C1orf94: variants seen among roughly 807,000 people sequenced by gnomAD.
The protein encoded by C1orf94 is chromosome 1 open reading frame 94.
C1orf94 carries 45 observed loss-of-function variants against 53.6 expected under a neutral mutation model. The ratio of observed to expected loss-of-function variants is 0.84; its 90% confidence interval spans 0.66 to 1.08. The LOEUF (loss-of-function observed/expected upper bound fraction) is 1.08. Among genes scored for constraint, C1orf94 ranks in the 50% least tolerant of loss-of-function variants. C1orf94 has a pLI of 0.00. For missense variants in C1orf94, 762 were observed against 738.9 expected, an observed-to-expected ratio of 1.03 and a Z score of -0.36; for synonymous variants, 304 against 296.1, an observed-to-expected ratio of 1.03 and a Z score of -0.27.
upstream of C1orf94, among the ~76,000 whole-genome samples, chr1:34,176,542 G>A (rs2148609983): frequency 6.6e-6 from 1 of 152,236 alleles, no homozygotes; most frequent in Non-Finnish European, 1.5e-5. Context: ...TAGAGTGCTG[G>A]GGTCTGAGTC....
rs140503394 is a variant in C1orf94 at position 34,197,873 on chromosome 1, G to T, written c.969G>T (p.Lys323Asn). ...CAGTGTTTGCCAAGATCTGTTCCAA[G>T]CCCAAGGCTGACCCTGCTGTGGAGA... The part of the protein sequence containing the change: ...QLPVFAKICS[K>N]PKADPAVERH... The change falls in exon 2 of 7, where the codon AAG becomes AAT. Residue 323 changes from lysine (K) to asparagine (N), a missense_variant. Coordinates refer to ENST00000488417, the MANE Select transcript of C1orf94 (RefSeq NM_001134734.2). The surrounding 1 kb of genome is among the most constrained non-coding windows in gnomAD (Gnocchi z 4.1). 14 of 1,614,076 alleles carry T rather than the reference G, an allele frequency of 8.7e-6. No homozygotes were observed. The African/African-American group carries it at 1.1e-4, about 12-fold the overall frequency.
chr1:34,202,106 T>C lies in C1orf94; in HGVS notation c.1293T>C (p.Ala431=). Reference sequence around the variant, plus strand: ...CAGTTAACGCACCTGTGACGGTTGCTGACAAGAACAACCCGAAGTACACAG... The same window carrying C: ...CAGTTAACGCACCTGTGACGGTTGCCGACAAGAACAACCCGAAGTACACAG... ...ELKFNAPVTV[A]DKNNPKYTGN... is the part of the protein sequence containing the mutation. Residue 431 remains alanine (A), a synonymous_variant, in exon 4 of 7, where the codon GCT becomes GCC. Transcript: ENST00000488417. 1 of 1,614,102 alleles carries C rather than the reference T, an allele frequency of 6.2e-7. No individual in the cohort carries two copies. The highest frequency in any genetic ancestry group is 8.5e-7 in the Non-Finnish European group (1 of 1,179,986).
chr1:34,200,708 G>C, intron 2 of C1orf94, 64 bp from the exon 3 acceptor site: 2 of 1,591,866 alleles, frequency 1.3e-6, no homozygotes, highest in Non-Finnish European at 1.7e-6. Flanking sequence ...TCCACAAAAA[G>C]GTGCTTCCAG....
Position 34,197,549 on chromosome 1 carries a change from G to A in C1orf94, c.645G>A (p.Glu215=), listed in dbSNP as rs1297884885. 1.9e-6 allele frequency: 3 copies of A among 1,614,022 alleles called. No individual in the cohort carries two copies. Among genetic ancestry groups the A allele is most frequent in the Non-Finnish European group, 2.5e-6 (3 of 1,180,022 alleles). Residue 215 remains glutamate, a synonymous_variant, in exon 2 of 7, where the codon GAG becomes GAA. Coordinates refer to ENST00000488417, the MANE Select transcript of C1orf94 (RefSeq NM_001134734.2). This position sits in a 1 kb window ranked among gnomAD's most constrained non-coding sequence, Gnocchi z 4.1. ...TCACAGACATTCTGTGTGCCGCCGA[G>A]GTCAAGAGCAGCAAGGGGACAGAGG... ...STVTDILCAA[E]VKSSKGTEDR...
chr1:34,219,126 TTGAAA>T (rs1323520848), exon 7 of C1orf94: 1 of 157,866 alleles, frequency 6.3e-6, no homozygotes, highest in African/African-American at 2.4e-5. Context: ...TATGAGCTAC[TTGAAA>T]TGGAGTGTGC....
At chr1:34,205,999 C>G (rs905180292) in intron 4 of C1orf94, among the ~76,000 whole-genome samples, 4 of 152,186 alleles carry the variant, frequency 2.6e-5, no homozygotes, top group Admixed American at 6.5e-5. Flanking sequence ...ATTCTAACAA[C>G]TAGAAATGTT....
chr1:34,186,694 C>G (rs890104912), intron 1 of C1orf94, among the ~76,000 whole-genome samples: 4 of 152,208 alleles, frequency 2.6e-5, no homozygotes, highest in Non-Finnish European at 4.4e-5. Context: ...TGTTTAAAAT[C>G]AGCTCTCTTC....
chr1:34,181,041 G>A (rs780268309), intron 1 of C1orf94, among the ~76,000 whole-genome samples: 20 of 152,062 alleles, frequency 1.3e-4, no homozygotes, highest in Non-Finnish European at 2.5e-4. Flanking sequence ...CCCTTCCCTT[G>A]CTATGAACCC....
At chr1:34,190,508 C>T (rs1642464919) in intron 1 of C1orf94, among the ~76,000 whole-genome samples, 2 of 152,208 alleles carry the variant, frequency 1.3e-5, no homozygotes, top group Non-Finnish European at 2.9e-5. Flanking sequence ...CTGTGTCTGA[C>T]AAGGTCTTCC....
At chr1:34,208,375 G>T (rs150575840) in intron 5 of C1orf94, 141 bp downstream of exon 5, 2 of 794,538 alleles carry the variant, frequency 2.5e-6, no homozygotes, top group South Asian at 1.7e-5. Context: ...CTCACATACC[G>T]GCATGCGTGT....
upstream of C1orf94, among the ~76,000 whole-genome samples, chr1:34,176,712 A>G (rs1642230922): frequency 6.6e-6 from 1 of 152,160 alleles, no homozygotes; most frequent in Non-Finnish European, 1.5e-5. Flanking sequence ...AGCGCCCCAT[A>G]AAATGGCAGT....
At chr1:34,205,723 C>T (rs569673892) in intron 4 of C1orf94, among the ~76,000 whole-genome samples, 1 of 152,138 alleles carries the variant, frequency 6.6e-6, no homozygotes, top group African/African-American at 2.4e-5. Flanking sequence ...AAATGGGGAA[C>T]AGTCTAGCCT....
In C1orf94 at chr1:34,208,244, C is replaced by T. The variant is rs114229205; in HGVS notation, c.1524+10C>T. 5,643 of 1,612,584 alleles carry T rather than the reference C, an allele frequency of 3.5e-3. 174 individuals carry two copies. The African/African-American group carries it at 0.065, about 19-fold the overall frequency. On this transcript the variant is annotated intron_variant, in intron 5 of 6. Coordinates refer to ENST00000488417, the MANE Select transcript of C1orf94 (RefSeq NM_001134734.2). ...ATGTTACTCCCAACAGGTGAGTAGA[C>T]GATCTCTCCTCCTCTGTCCTGGGTC...
intron 6 of C1orf94, among the ~76,000 whole-genome samples, chr1:34,213,271 CCTT>C (rs1360959561): frequency 1.3e-5 from 2 of 152,206 alleles, no homozygotes; most frequent in African/African-American, 4.8e-5. Flanking sequence ...CATCACAGAA[CCTT>C]CCCTGCAGTG....
At chr1:34,210,483 C>T (rs949664653) in intron 5 of C1orf94, among the ~76,000 whole-genome samples, 46 of 152,190 alleles carry the variant, frequency 3.0e-4, no homozygotes, top group Non-Finnish European at 1.3e-4. Flanking sequence ...GACCACAACT[C>T]AGACGCTGGA....
At chr1:34,169,278 C>A (rs1011455291) in intron 1 of C1orf94, among the ~76,000 whole-genome samples, 6 of 152,128 alleles carry the variant, frequency 3.9e-5, no homozygotes, top group African/African-American at 9.7e-5. Flanking sequence ...AACAGCCTAC[C>A]CGCATCTAGC....
chr1:34,192,060 C>G (rs1286960836), intron 1 of C1orf94, among the ~76,000 whole-genome samples: 1 of 152,168 alleles, frequency 6.6e-6, no homozygotes, highest in Non-Finnish European at 1.5e-5. Context: ...GGGTTAACCT[C>G]CCTGAATGAT....
chr1:34,167,575 T>C (rs1456960380), intron 1 of C1orf94, among the ~76,000 whole-genome samples: 1 of 152,180 alleles, frequency 6.6e-6, no homozygotes, highest in African/African-American at 2.4e-5. Context: ...ATTCCTGCTC[T>C]CTGATCTATT....
chr1:34,174,661 G>A (rs12073716), upstream of C1orf94, among the ~76,000 whole-genome samples: 21,105 of 152,182 alleles, frequency 0.14, 1,564 homozygotes, highest in African/African-American at 0.17. Context: ...GCAAGCCAGC[G>A]AGAGAGACTT....
Sources: allele counts gnomAD v4.1 joint callset (sites outside exome capture counted in the v4.1 genomes callset), GRCh38; gene constraint gnomAD v4.1.1; non-coding constraint Gnocchi (gnomAD v3.1); transcripts MANE v1.5; gene names NCBI Gene and HGNC (gene_info 2026-07-23, HGNC 2026-07-21).